Variants in PLCE1 observed in about 807,000 individuals in gnomAD.
The protein encoded by PLCE1 is phospholipase C epsilon 1.
A neutral mutation model predicts 242.8 loss-of-function variants in PLCE1; 119 were observed. That is an observed-to-expected ratio of 0.49 (90% CI 0.42 to 0.57). The LOEUF (loss-of-function observed/expected upper bound fraction) is 0.57, where lower values mean the gene tolerates loss of function less well. Ranked by LOEUF, PLCE1 falls within the 20% of genes least tolerant of loss-of-function variation. The probability of loss-of-function intolerance (pLI) is 0.00; values close to 1 mark genes in which losing one functional copy is unlikely to be tolerated. For missense variants in PLCE1, 2,441 were observed against 2,788.8 expected, an observed-to-expected ratio of 0.88 and a Z score of 2.81; for synonymous variants, 945 against 1,017.4, an observed-to-expected ratio of 0.93 and a Z score of 1.35.
chr10:93,995,618 G>C (rs572287572), intron 1 of PLCE1, among the ~76,000 whole-genome samples: 70 of 152,332 alleles, frequency 4.6e-4, no homozygotes, highest in African/African-American at 1.7e-3. Flanking sequence ...ATCTACTTTG[G>C]AGAAGGAGAT....
intron 19 of PLCE1, among the ~76,000 whole-genome samples, chr10:94,277,412 A>G (rs1319510114): frequency 3.9e-5 from 6 of 151,924 alleles, no homozygotes; most frequent in African/African-American, 1.5e-4. Context: ...CCATTTTTCT[A>G]CCCTAGAATA....
At chr10:94,285,540 G>A (rs377471400) in intron 22 of PLCE1, among the ~76,000 whole-genome samples, 22 of 152,044 alleles carry the variant, frequency 1.4e-4, no homozygotes, top group African/African-American at 3.4e-4. Flanking sequence ...TTCTCATTCC[G>A]CCTCCATCAT....
chr10:94,062,273 T>A (rs1449288712), intron 2 of PLCE1, among the ~76,000 whole-genome samples: 5 of 152,120 alleles, frequency 3.3e-5, no homozygotes, highest in Admixed American at 6.6e-5. Flanking sequence ...GTTAGACTCC[T>A]TCCTTCTTGT....
chr10:94,045,278 C>G (rs1357667565), intron 2 of PLCE1, among the ~76,000 whole-genome samples: 1 of 152,128 alleles, frequency 6.6e-6, no homozygotes, highest in Non-Finnish European at 1.5e-5. Flanking sequence ...GCTCGTGCCA[C>G]CACACCTGGC....
intron 2 of PLCE1, among the ~76,000 whole-genome samples, chr10:94,033,072 G>GA (rs1422495921): frequency 6.6e-6 from 1 of 151,958 alleles, no homozygotes; most frequent in Non-Finnish European, 1.5e-5. Flanking sequence ...ATCTAGAGAA[G>GA]ATTTAAAGTA....
intron 4 of PLCE1, among the ~76,000 whole-genome samples, chr10:94,171,923 C>T (rs1387911336): frequency 6.6e-6 from 1 of 152,142 alleles, no homozygotes; most frequent in African/African-American, 2.4e-5. Flanking sequence ...TATTAGGACT[C>T]CCTCAGCAGA....
In PLCE1 at chr10:94,192,203, T is replaced by A. The variant is rs143064017; in HGVS notation, c.1809+20707T>A. On this transcript the variant is annotated intron_variant, in intron 4 of 32. Transcript: ENST00000371380. The stretch of plus-strand genomic sequence containing the variant: ...TTGTTTTTATAATTTCAACTTTTAT[T>A]TTAAATTCAGTGGATGTATGTGCAG... Among the ~76,000 whole-genome samples the A allele has an allele frequency of 3.6e-3, 542 of 152,284 alleles. 6 individuals carry two copies. The highest frequency in any genetic ancestry group is 0.012 in the African/African-American group (518 of 41,550).
intron 2 of PLCE1, among the ~76,000 whole-genome samples, chr10:94,065,633 T>C (rs1465645464): frequency 6.6e-6 from 1 of 152,190 alleles, no homozygotes; most frequent in African/African-American, 2.4e-5. Context: ...TAATTATCTC[T>C]GTGTCTCCAG....
At chr10:94,215,766 G>A (rs1320191887) in intron 4 of PLCE1, among the ~76,000 whole-genome samples, 7 of 152,194 alleles carry the variant, frequency 4.6e-5, no homozygotes, top group Admixed American at 3.9e-4. Flanking sequence ...TTCGAGAAGG[G>A]CCGAGACAGA....
At chr10:94,061,880 G>A (rs2044065284) in intron 2 of PLCE1, among the ~76,000 whole-genome samples, 1 of 152,168 alleles carries the variant, frequency 6.6e-6, no homozygotes, top group Non-Finnish European at 1.5e-5. Flanking sequence ...CTCATGGGAG[G>A]AGTCAGCAAC....
Position 94,306,797 on chromosome 10 carries a change from T to A in PLCE1, c.5884+109T>A. On this transcript the variant is annotated intron_variant, in intron 26 of 32. Coordinates refer to ENST00000371380, the MANE Select transcript of PLCE1 (RefSeq NM_016341.4). The surrounding 1 kb of genome is among the most constrained non-coding windows in gnomAD (Gnocchi z 5.7). ...TGTTTGACATTTTCCTATAAAGAAGTTGAATTAAGAAGCAAAAGGAAATAC... is the reference window on the plus strand; with the variant it reads ...TGTTTGACATTTTCCTATAAAGAAGATGAATTAAGAAGCAAAAGGAAATAC... 1.1e-6 allele frequency: 1 copy of A among 920,738 alleles called. No homozygotes were observed. 57.0% of individuals were successfully genotyped at this position (920,738 alleles called of 1,614,324 possible). A position where few individuals can be genotyped will look rare whatever the true frequency, so the allele number is the denominator to read the frequency against.
At chr10:94,060,823 A>G (rs2134957696) in intron 2 of PLCE1, among the ~76,000 whole-genome samples, 1 of 151,886 alleles carries the variant, frequency 6.6e-6, no homozygotes, top group South Asian at 2.1e-4. Flanking sequence ...CATCTTCCCA[A>G]GTAGCTGGGA....
chr10:94,081,209 T>G (rs371146011), intron 2 of PLCE1, among the ~76,000 whole-genome samples: 15 of 152,244 alleles, frequency 9.9e-5, no homozygotes, highest in African/African-American at 2.7e-4. Flanking sequence ...TTTATTTTTC[T>G]TCTTGGTTTG....
intron 2 of PLCE1, among the ~76,000 whole-genome samples, chr10:94,035,667 G>T (rs2061650754): frequency 6.6e-6 from 1 of 152,042 alleles, no homozygotes; most frequent in South Asian, 2.1e-4. Context: ...ATTTCTAAAG[G>T]GGGGGCCCTT....
chr10:94,002,615 A>G (rs1429986741), intron 1 of PLCE1, among the ~76,000 whole-genome samples: 1 of 152,180 alleles, frequency 6.6e-6, no homozygotes, highest in African/African-American at 2.4e-5. Flanking sequence ...ACTTCTGTTT[A>G]TATTTATTTA....
chr10:94,010,298 G>C (rs1096044), intron 1 of PLCE1, among the ~76,000 whole-genome samples: 82,093 of 152,140 alleles, frequency 0.54, 23,276 homozygotes, highest in East Asian at 0.74. Flanking sequence ...CATGGCAGGA[G>C]TGTCCAGGGT....
rs1270211318 is a variant in PLCE1 at position 94,132,193 on chromosome 10, G to T, written c.1226G>T (p.Arg409Ile). 2 of 1,613,992 alleles carry T rather than the reference G, an allele frequency of 1.2e-6. No homozygotes were observed. The highest frequency in any genetic ancestry group is 1.7e-6 in the Non-Finnish European group (2 of 1,179,992). ...TCACAGATCTACAATGCAGTGAGAA[G>T]AGAAGAAACAGAAAATACAGTTGGA... ...QWYPIYNAVRREETENTVGSL... is the reference protein window; with the variant it reads ...QWYPIYNAVRIEETENTVGSL... The change falls in exon 3 of 33, where the codon AGA becomes ATA. Residue 409 changes from arginine to isoleucine, a missense_variant. Physicochemically the swap from Arg to Ile is moderately conservative, Grantham distance 97. Coordinates refer to ENST00000371380, the MANE Select transcript of PLCE1 (RefSeq NM_016341.4).
At chr10:94,030,197 C>T (rs1404258653) in intron 1 of PLCE1, among the ~76,000 whole-genome samples, 1 of 152,080 alleles carries the variant, frequency 6.6e-6, no homozygotes, top group African/African-American at 2.4e-5. Flanking sequence ...ATCTTTGTGC[C>T]TCTTTGCTTA....
intron 2 of PLCE1, among the ~76,000 whole-genome samples, chr10:94,129,772 A>G (rs1019806952): frequency 6.6e-6 from 1 of 151,028 alleles, no homozygotes; most frequent in South Asian, 2.1e-4. Context: ...CAAAAACAAA[A>G]CAAACAAAAA....
Sources: allele counts gnomAD v4.1 joint callset (sites outside exome capture counted in the v4.1 genomes callset), GRCh38; gene constraint gnomAD v4.1.1; non-coding constraint Gnocchi (gnomAD v3.1); transcripts MANE v1.5; gene names NCBI Gene and HGNC (gene_info 2026-07-23, HGNC 2026-07-21).